ZSWIM5: variants seen among roughly 807,000 people sequenced by gnomAD.
ZSWIM5 encodes zinc finger SWIM-type containing 5, also known as zinc finger SWIM domain-containing protein 5.
A neutral mutation model predicts 119.6 loss-of-function variants in ZSWIM5; 55 were observed. The ratio of observed to expected loss-of-function variants is 0.46; its 90% CI spans 0.37 to 0.58. The LOEUF (loss-of-function observed/expected upper bound fraction) is 0.58, where lower values mean the gene tolerates loss of function less well. Ranked by LOEUF, ZSWIM5 falls within the 20% of genes least tolerant of loss-of-function variation. The pLI is 0.00. For missense variants in ZSWIM5, 1,193 were observed against 1,512.8 expected (o/e 0.79, Z 3.51); for synonymous variants, 537 against 606.9 (o/e 0.88, Z 1.69).
intron 2 of ZSWIM5, chr1:45,070,194 A>G (rs1645212781): frequency 7.2e-7 from 1 of 1,393,436 alleles, no homozygotes; most frequent in South Asian, 1.2e-5. Flanking sequence ...CTGTCCATTT[A>G]CTTTGTAGGC....
chr1:45,029,341 AT>A (rs948810285), intron 11 of ZSWIM5, among the ~76,000 whole-genome samples: 1 of 152,184 alleles, frequency 6.6e-6, no homozygotes, highest in Admixed American at 6.5e-5. Context: ...ATTTTGTAGT[AT>A]GTCCTTTAAT....
intron 1 of ZSWIM5, among the ~76,000 whole-genome samples, chr1:45,089,006 C>T (rs993657124): frequency 6.6e-6 from 1 of 152,116 alleles, no homozygotes; most frequent in African/African-American, 2.4e-5. Flanking sequence ...GCCACCGAGG[C>T]TGGAGTGCAG....
chr1:45,150,322 A>G (rs1645789132), intron 1 of ZSWIM5, among the ~76,000 whole-genome samples: 1 of 152,198 alleles, frequency 6.6e-6, no homozygotes, highest in Non-Finnish European at 1.5e-5. Flanking sequence ...GATGGCTGTA[A>G]TAAAAACACC....
intron 2 of ZSWIM5, among the ~76,000 whole-genome samples, chr1:45,069,270 C>G (rs796399961): frequency 6.5e-4 from 99 of 151,338 alleles, no homozygotes; most frequent in African/African-American, 2.3e-3. Context: ...ACTAAAAATA[C>G]AAAAAATTAG....
chr1:45,018,136 T>A lies in ZSWIM5; in HGVS notation c.*318A>T. Reference sequence around the variant, plus strand: ...TTAAGCAATCCCTGAGATGGAACAGTGTTCTGTGTTTGCCAAGGGAGACAG... The same window carrying A: ...TTAAGCAATCCCTGAGATGGAACAGAGTTCTGTGTTTGCCAAGGGAGACAG... On this transcript the variant is annotated 3_prime_UTR_variant, in exon 14 of 14. Coordinates refer to ENST00000359600, the MANE Select transcript of ZSWIM5 (RefSeq NM_020883.2). This position sits in a 1 kb window ranked among gnomAD's most constrained non-coding sequence, Gnocchi z 6.7. 2.6e-6 allele frequency: 1 copy of A among 379,586 alleles called. No homozygotes were observed. Among genetic ancestry groups the A allele is most frequent in the Non-Finnish European group, 4.8e-6 (1 of 208,006 alleles). The allele number at this position is 379,586 out of a possible 1,614,324, so 23.5% of individuals were successfully genotyped here.
In ZSWIM5 at chr1:45,017,380, G is replaced by A. The variant is rs1644860515; in HGVS notation, c.*1074C>T. The stretch of plus-strand genomic sequence containing the variant: ...ACACATACTAAACATGCACAAACAT[G>A]AGTGCATTTGCACAAAGATGTGCAT... On this transcript the variant is annotated 3_prime_UTR_variant, in exon 14 of 14. Coordinates refer to ENST00000359600, the MANE Select transcript of ZSWIM5 (RefSeq NM_020883.2). The A allele has an allele frequency of 6.6e-6, 1 of 152,112 alleles. No individual in the cohort carries two copies. Among genetic ancestry groups the A allele is most frequent in the Non-Finnish European group, 1.5e-5 (1 of 67,998 alleles). The allele number at this position is 152,112 out of a possible 1,614,324, so 9.4% of individuals were successfully genotyped here.
chr1:45,142,474 C>A (rs1426821570), intron 1 of ZSWIM5, among the ~76,000 whole-genome samples: 1 of 152,082 alleles, frequency 6.6e-6, no homozygotes, highest in Non-Finnish European at 1.5e-5. Flanking sequence ...ACCTTGGTCT[C>A]CCTAGTAGCT....
At chr1:45,180,689 G>A (rs1646011727) in intron 1 of ZSWIM5, among the ~76,000 whole-genome samples, 1 of 152,150 alleles carries the variant, frequency 6.6e-6, no homozygotes, top group Non-Finnish European at 1.5e-5. Flanking sequence ...CCCCCCAGTA[G>A]GGGCAGACTG....
chr1:45,065,451 A>T (rs2149002419), intron 2 of ZSWIM5, among the ~76,000 whole-genome samples: 1 of 152,310 alleles, frequency 6.6e-6, no homozygotes, highest in South Asian at 2.1e-4. Flanking sequence ...AAAAGTGGAG[A>T]ACATTTGGCA....
rs1405637464 is a variant in ZSWIM5 at position 45,064,288 on chromosome 1, C to T, written c.953-4041G>A. On this transcript the variant is annotated intron_variant, in intron 2 of 13. Coordinates refer to ENST00000359600, the MANE Select transcript of ZSWIM5 (RefSeq NM_020883.2). Reference sequence around the variant, plus strand: ...TGTTCTTCATAGCACTTTATTATTACTTCTCTTGCACCTTGTTTTACATTA... The same window carrying T: ...TGTTCTTCATAGCACTTTATTATTATTTCTCTTGCACCTTGTTTTACATTA... Among the ~76,000 whole-genome samples, 4 of 152,116 alleles carry T rather than the reference C, an allele frequency of 2.6e-5. No individual in the cohort carries two copies. The South Asian group carries it at 6.2e-4, about 24-fold the overall frequency.
chr1:45,099,384 C>A (rs1645423666), intron 1 of ZSWIM5, among the ~76,000 whole-genome samples: 2 of 152,102 alleles, frequency 1.3e-5, no homozygotes, highest in Admixed American at 1.3e-4. Flanking sequence ...CAATAACAGG[C>A]TCTGAAATTG....
At chr1:45,156,721 TAAAAA>T (rs763479350) in intron 1 of ZSWIM5, among the ~76,000 whole-genome samples, 1 of 124,604 alleles carries the variant, frequency 8.0e-6, no homozygotes, top group African/African-American at 3.0e-5. Flanking sequence ...TGTGGGAAGT[TAAAAA>T]AAAAAAAAAA....
chr1:45,166,334 A>C (rs1645903106), intron 1 of ZSWIM5, among the ~76,000 whole-genome samples: 1 of 152,112 alleles, frequency 6.6e-6, no homozygotes, highest in Admixed American at 6.6e-5. Context: ...AATAAGAGCT[A>C]TTTATGACAA....
chr1:45,095,996 A>G (rs1645398805), intron 1 of ZSWIM5, among the ~76,000 whole-genome samples: 1 of 152,230 alleles, frequency 6.6e-6, no homozygotes. Context: ...AACTCATGGG[A>G]AAAACAACTA....
At chr1:45,196,172 G>A (rs908794579) in intron 1 of ZSWIM5, among the ~76,000 whole-genome samples, 1 of 151,114 alleles carries the variant, frequency 6.6e-6, no homozygotes, top group Non-Finnish European at 1.5e-5. Context: ...ACCAAGCCTG[G>A]CCAGGTGATC....
chr1:45,100,444 G>A (rs1399917139), intron 1 of ZSWIM5, among the ~76,000 whole-genome samples: 1 of 152,122 alleles, frequency 6.6e-6, no homozygotes, highest in Non-Finnish European at 1.5e-5. Context: ...TGGATAGGAA[G>A]AATCAGTATC....
At chr1:45,131,927 T>C (rs975191782) in intron 1 of ZSWIM5, among the ~76,000 whole-genome samples, 4 of 151,396 alleles carry the variant, frequency 2.6e-5, no homozygotes, top group African/African-American at 7.3e-5. Context: ...AACATAAAGA[T>C]TGGAGTGACC....
At chr1:45,111,096 AG>A (rs1263327116) in intron 1 of ZSWIM5, among the ~76,000 whole-genome samples, 1 of 152,198 alleles carries the variant, frequency 6.6e-6, no homozygotes, top group Non-Finnish European at 1.5e-5. Flanking sequence ...AGCAAAACTC[AG>A]CAAGTGGTAG....
At chr1:45,189,087 G>C (rs1646075922) in intron 1 of ZSWIM5, among the ~76,000 whole-genome samples, 1 of 152,106 alleles carries the variant, frequency 6.6e-6, no homozygotes, top group African/African-American at 2.4e-5. Context: ...GGTTGAGGTG[G>C]GCAGATCACC....
Sources: allele counts gnomAD v4.1 joint callset (sites outside exome capture counted in the v4.1 genomes callset), GRCh38; gene constraint gnomAD v4.1.1; non-coding constraint Gnocchi (gnomAD v3.1); transcripts MANE v1.5; gene names NCBI Gene and HGNC (gene_info 2026-07-23, HGNC 2026-07-21).